The following ANKRD44 variants were observed in gnomAD, a reference collection of about 807,000 sequenced individuals.
ANKRD44 encodes the protein ankyrin repeat domain 44, also known as serine/threonine-protein phosphatase 6 regulatory ankyrin repeat subunit B.
A neutral mutation model predicts 116.0 loss-of-function variants in ANKRD44; 35 were observed. The observed-to-expected ratio is 0.30, with a 90% CI of 0.23 to 0.40. The LOEUF (loss-of-function observed/expected upper bound fraction) is 0.40, where lower values mean the gene tolerates loss of function less well. Among genes scored for constraint, ANKRD44 ranks in the 10% least tolerant of loss-of-function variants. The pLI is 1.00. For synonymous variants in ANKRD44, 435 were observed against 461.8 expected (o/e 0.94, Z 0.74); for missense variants, 1,014 against 1,242.6 (o/e 0.82, Z 2.77).
intron 8 of ANKRD44, among the ~76,000 whole-genome samples, chr2:197,119,828 T>C (rs763130668): frequency 1.3e-5 from 2 of 152,174 alleles, no homozygotes. Context: ...CTAAGGATAT[T>C]CTGCTACAAT....
intron 16 of ANKRD44, among the ~76,000 whole-genome samples, chr2:197,036,086 TAGAAG>T (rs1354862169): frequency 6.6e-6 from 1 of 152,172 alleles, no homozygotes; most frequent in Non-Finnish European, 1.5e-5. Context: ...TCACAGCTAT[TAGAAG>T]AATCTGTGTT....
At chr2:197,015,639 AGGT>A (rs1160845933) in intron 17 of ANKRD44, 1 of 556,544 alleles carries the variant, frequency 1.8e-6, no homozygotes, top group Non-Finnish European at 3.3e-6. Context: ...ATGGTGGTGA[AGGT>A]GGTGGCAGCA....
In ANKRD44 at chr2:196,998,401, G is replaced by A. The variant is rs1277770955; in HGVS notation, c.2684C>T (p.Ala895Val). Residue 895 changes from alanine to valine, a missense_variant, in exon 25 of 28, where the codon GCC (alanine) becomes GTC (valine). Physicochemically the swap from Ala to Val is moderately conservative, Grantham distance 64 (BLOSUM62 0). Transcript: ENST00000282272. ...ATCCTTTACAGTCAGATCAGCCTGG[G>A]CACTGTTCACCAAAATATCTGTAGA... ...AGAVDILVNS[A>V]QADLTVKDKD... 6.2e-7 allele frequency: 1 copy of A among 1,613,686 alleles called. No individual in the cohort carries two copies. The highest frequency in any genetic ancestry group is 8.5e-7 in the Non-Finnish European group (1 of 1,179,798).
At position 197,221,753 on chromosome 2, in the gene ANKRD44, T is replaced by G. The variant is rs2712882; in HGVS notation, c.28-34647A>C. ...ATACTGTGTCTCTTTTCACTGGAGA[T>G]AACCTAAAGAAGCCCCAGAGTGTAA... is the stretch of plus-strand genomic sequence containing the variant. On this transcript the variant is annotated intron_variant, in intron 1 of 27. Transcript: ENST00000282272. Among the ~76,000 whole-genome samples, 276 of 152,270 alleles carry G rather than the reference T, an allele frequency of 1.8e-3. 1 individual carries two copies. Among genetic ancestry groups the G allele is most frequent in the African/African-American group, 6.2e-3 (257 of 41,536 alleles).
intron 27 of ANKRD44, chr2:196,990,140 A>T (rs72922643): frequency 5.1e-6 from 5 of 987,428 alleles, no homozygotes; most frequent in Non-Finnish European, 6.0e-6. Context: ...TATAGAGAGG[A>T]TATAAATAGT....
At chr2:197,060,548 A>G (rs937696451) in intron 16 of ANKRD44, among the ~76,000 whole-genome samples, 7 of 152,206 alleles carry the variant, frequency 4.6e-5, no homozygotes, top group African/African-American at 1.7e-4. Flanking sequence ...TGCGGTGAGA[A>G]CACTTTCTAC....
intron 2 of ANKRD44, among the ~76,000 whole-genome samples, chr2:197,169,056 CT>C (rs2125531728): frequency 6.6e-6 from 1 of 152,322 alleles, no homozygotes; most frequent in African/African-American, 2.4e-5. Flanking sequence ...TGACCGGCCC[CT>C]TTCTTGTCTC....
At chr2:197,045,302 A>G (rs1390874471) in intron 16 of ANKRD44, among the ~76,000 whole-genome samples, 1 of 152,154 alleles carries the variant, frequency 6.6e-6, no homozygotes, top group Non-Finnish European at 1.5e-5. Flanking sequence ...CTTCCCTACA[A>G]TAATGAGGTC....
chr2:197,154,254 ACTGCAAGCTCCGC>A (rs1574564354), intron 2 of ANKRD44, among the ~76,000 whole-genome samples: 1 of 134,062 alleles, frequency 7.5e-6, no homozygotes, highest in East Asian at 2.2e-4. Context: ...ATCTCGGCTC[ACTGCAAGCTCCGC>A]CTCCCGGGTT....
chr2:197,190,040 G>C (rs547931559), intron 1 of ANKRD44, among the ~76,000 whole-genome samples: 2 of 152,300 alleles, frequency 1.3e-5, no homozygotes, highest in African/African-American at 4.8e-5. Context: ...TGGTGCCTCT[G>C]GGACTAATGC....
intron 8 of ANKRD44, among the ~76,000 whole-genome samples, chr2:197,120,143 A>G (rs562572154): frequency 4.6e-5 from 7 of 152,270 alleles, no homozygotes; most frequent in African/African-American, 1.7e-4. Flanking sequence ...TCTTCTCATC[A>G]TATCTTCTCT....
intron 1 of ANKRD44, among the ~76,000 whole-genome samples, chr2:197,217,814 T>G (rs1171833107): frequency 6.6e-6 from 1 of 152,184 alleles, no homozygotes; most frequent in African/African-American, 2.4e-5. Context: ...TGTATTTTTG[T>G]AGGTTCTTTC....
At chr2:197,240,039 A>G (rs2082057236) in intron 1 of ANKRD44, among the ~76,000 whole-genome samples, 1 of 152,150 alleles carries the variant, frequency 6.6e-6, no homozygotes, top group South Asian at 2.1e-4. Context: ...GAATAGTTGA[A>G]TTAATGTTTA....
At chr2:197,202,595 TAGGGTCTTGCTCTGTCCCC>T (rs2081116898) in intron 1 of ANKRD44, among the ~76,000 whole-genome samples, 1 of 151,748 alleles carries the variant, frequency 6.6e-6, no homozygotes, top group Admixed American at 6.6e-5. Flanking sequence ...TGTTTTAAGA[TAGGGTCTTGCTCTGTCCCC>T]CAGGCTGGAG....
intron 1 of ANKRD44, among the ~76,000 whole-genome samples, chr2:197,219,056 C>T (rs1397561077): frequency 6.8e-6 from 1 of 147,992 alleles, no homozygotes; most frequent in East Asian, 2.0e-4. Context: ...AGCCACCATG[C>T]CTGGCTAAAG....
chr2:197,077,522 G>A (rs2077696531), intron 16 of ANKRD44, among the ~76,000 whole-genome samples: 1 of 152,174 alleles, frequency 6.6e-6, no homozygotes, highest in African/African-American at 2.4e-5. Flanking sequence ...TTGATTGGGA[G>A]GGGTTGGGGC....
chr2:197,091,620 A>T (rs2078045001), intron 10 of ANKRD44, among the ~76,000 whole-genome samples: 1 of 152,164 alleles, frequency 6.6e-6, no homozygotes, highest in African/African-American at 2.4e-5. Flanking sequence ...TGGCCTCCCA[A>T]AGTGCTATGA....
intron 8 of ANKRD44, among the ~76,000 whole-genome samples, chr2:197,112,526 G>A (rs941364602): frequency 3.9e-5 from 6 of 152,006 alleles, no homozygotes; most frequent in East Asian, 1.9e-4. Flanking sequence ...TGGCTAGCAC[G>A]GTGAAACCCC....
chr2:197,196,185 T>C (rs1193050680), intron 1 of ANKRD44, among the ~76,000 whole-genome samples: 3 of 152,268 alleles, frequency 2.0e-5, no homozygotes, highest in African/African-American at 7.2e-5. Context: ...ATTGAATTCA[T>C]GTAGTTGCAA....
Sources: gnomAD v4.1 joint callset for allele counts (sites outside exome capture counted in the v4.1 genomes callset) on GRCh38, gnomAD v4.1.1 for gene constraint, MANE v1.5 for transcripts, NCBI Gene and HGNC (gene_info 2026-07-23, HGNC 2026-07-21) for gene names.